The following IFI16 variants were observed in gnomAD, a reference collection of about 807,000 sequenced individuals.
The protein encoded by IFI16 is interferon gamma inducible protein 16, also known as gamma-interferon-inducible protein 16.
In IFI16, 49 loss-of-function variants were observed where a neutral mutation model predicts 68.4. The observed-to-expected ratio is 0.72, with a 90% confidence interval of 0.57 to 0.91. The LOEUF (loss-of-function observed/expected upper bound fraction) is 0.91. Among genes scored for constraint, IFI16 ranks in the 40% least tolerant of loss-of-function variants. The pLI is 0.00. For synonymous variants in IFI16, 307 were observed against 315.0 expected (o/e 0.97, Z 0.27); for missense variants, 878 against 942.9 (o/e 0.93, Z 0.90).
chr1:159,030,901 G>T (rs1342566296), intron 6 of IFI16, among the ~76,000 whole-genome samples: 1 of 151,796 alleles, frequency 6.6e-6, no homozygotes, highest in African/African-American at 2.4e-5. Context: ...GCTCCCAAGA[G>T]ATTATGTCCT....
upstream of IFI16, among the ~76,000 whole-genome samples, chr1:159,005,474 C>T (rs1048942141): frequency 4.6e-5 from 7 of 152,182 alleles, no homozygotes; most frequent in African/African-American, 1.7e-4. Context: ...CCTCTCCTGC[C>T]TCAACACTGA....
At chr1:159,018,759 ACT>A in intron 5 of IFI16, 108 bp downstream of exon 5, 1 of 756,838 alleles carries the variant, frequency 1.3e-6, no homozygotes, top group Non-Finnish European at 2.2e-6. Flanking sequence ...AGAATCCAGG[ACT>A]CTGAAGACTA....
At chr1:159,005,304 A>G (rs1652212934), upstream of IFI16, among the ~76,000 whole-genome samples, 1 of 152,210 alleles carries the variant, frequency 6.6e-6, no homozygotes, top group African/African-American at 2.4e-5. Context: ...CATTACAGGG[A>G]GGGTCAGAGA....
intron 6 of IFI16, among the ~76,000 whole-genome samples, chr1:159,026,361 C>G (rs139457552): frequency 0.026 from 3,862 of 150,928 alleles, 73 homozygotes; most frequent in Non-Finnish European, 0.038. Context: ...TGCAATGGCG[C>G]GATCTTGGCT....
intron 1 of IFI16, among the ~76,000 whole-genome samples, chr1:159,014,100 A>C (rs1652765856): frequency 6.6e-6 from 1 of 152,222 alleles, no homozygotes. Context: ...ATGGGTACAG[A>C]GAACAGAAGC....
chr1:159,023,855 C>T (rs1162838382), intron 6 of IFI16, among the ~76,000 whole-genome samples: 2 of 152,170 alleles, frequency 1.3e-5, no homozygotes, highest in African/African-American at 2.4e-5. Context: ...TTACTCTTGC[C>T]GTGAGAGGCA....
chr1:159,032,826 T>C (rs1654090811), intron 7 of IFI16, 135 bp downstream of exon 7: 1 of 725,192 alleles, frequency 1.4e-6, no homozygotes, highest in Non-Finnish European at 2.2e-6. Context: ...TGTCACTCAA[T>C]CATTTATTGA....
At chr1:159,004,029 CTTAT>C (rs762239257), upstream of IFI16, among the ~76,000 whole-genome samples, 17 of 152,342 alleles carry the variant, frequency 1.1e-4, no homozygotes, top group South Asian at 8.3e-4. Flanking sequence ...CATAGAAGCA[CTTAT>C]TTGTGTGAAC....
chr1:159,024,913 G>A (rs1653555311), intron 6 of IFI16, among the ~76,000 whole-genome samples: 1 of 152,118 alleles, frequency 6.6e-6, no homozygotes, highest in African/African-American at 2.4e-5. Flanking sequence ...ACTCAAATAT[G>A]ATGGGTCCAT....
intron 1 of IFI16, among the ~76,000 whole-genome samples, chr1:159,011,243 G>C (rs1428292168): frequency 6.6e-6 from 1 of 152,018 alleles, no homozygotes; most frequent in East Asian, 1.9e-4. Context: ...AATTAGCCGG[G>C]TATGGTCATG....
Position 159,014,684 on chromosome 1 carries a change from G to A in IFI16, c.4G>A (p.Gly2Arg), listed in dbSNP as rs1435940563. The part of the protein sequence containing the change: M[G>R]KKYKNIVLLK... The stretch of plus-strand genomic sequence containing the variant: ...AGGCTCACTTATGTCTGTAAAGATG[G>A]GAAAAAAATACAAGAACATTGTTCT... The change falls in exon 2 of 12, where the codon GGA (glycine) becomes AGA (arginine). Residue 2 changes from glycine (G) to arginine (R), a missense_variant. Gly to Arg is a moderately radical substitution (Grantham distance 125). Around this residue, in one of 4 missense-constraint regions of IFI16, gnomAD observed 65 missense variants for 96.9 expected, o/e 0.67. Transcript: ENST00000295809. The A allele has an allele frequency of 1.9e-6, 3 of 1,595,406 alleles. No homozygotes were observed. Among genetic ancestry groups the A allele is most frequent in the East Asian group, 2.2e-5 (1 of 44,662 alleles).
chr1:159,025,624 G>A (rs1388355374), intron 6 of IFI16, among the ~76,000 whole-genome samples: 1 of 152,126 alleles, frequency 6.6e-6, no homozygotes, highest in Non-Finnish European at 1.5e-5. Context: ...CACTCTGTGG[G>A]TTGTCTGTTT....
At chr1:159,042,263 A>C (rs188299122) in intron 7 of IFI16, among the ~76,000 whole-genome samples, 1 of 152,292 alleles carries the variant, frequency 6.6e-6, no homozygotes, top group East Asian at 1.9e-4. Flanking sequence ...TTTGATTGGA[A>C]ACCCAAAGCA....
chr1:159,051,288 C>A (rs1655341364), intron 9 of IFI16, among the ~76,000 whole-genome samples: 1 of 152,028 alleles, frequency 6.6e-6, no homozygotes, highest in Non-Finnish European at 1.5e-5. Context: ...TATGACCTGA[C>A]CTGGGTAGAA....
At position 159,040,579 on chromosome 1, in the gene IFI16, TTAAA is replaced by T. The variant is rs377224421; in HGVS notation, c.1330-4715_1330-4712del. 7.0e-4 allele frequency among the ~76,000 whole-genome samples: 106 copies of T among 152,352 alleles called. 2 individuals carry two copies. In the East Asian group the frequency reaches 0.017, roughly 25 times the overall value. On this transcript the variant is annotated intron_variant, in intron 7 of 11. Coordinates refer to ENST00000295809, the MANE Select transcript of IFI16 (RefSeq NM_001376587.1). ...GATTCCATTAATACATGTGGCATAC[TTAAA>T]TAGAGAAACATTTTTAATGAAACGA...
At chr1:159,019,486 G>A (rs1281573626) in intron 5 of IFI16, among the ~76,000 whole-genome samples, 2 of 146,712 alleles carry the variant, frequency 1.4e-5, no homozygotes, top group Non-Finnish European at 3.0e-5. Flanking sequence ...TTTTTGAGAC[G>A]GAGTCTCTGT....
intron 10 of IFI16, 106 bp from the exon 11 acceptor site, chr1:159,053,427 G>A: frequency 4.1e-6 from 3 of 736,896 alleles, no homozygotes; most frequent in East Asian, 5.3e-5. Context: ...CTACAGCTCT[G>A]TTTACTCTAT....
intron 8 of IFI16, 53 bp downstream of exon 8, chr1:159,045,517 G>A: frequency 6.3e-7 from 1 of 1,595,282 alleles, no homozygotes; most frequent in Non-Finnish European, 8.6e-7. Context: ...TAATGACAAG[G>A]ATTAACACAA....
At chr1:159,050,096 CAAAG>C (rs1386936415) in intron 9 of IFI16, among the ~76,000 whole-genome samples, 2 of 152,160 alleles carry the variant, frequency 1.3e-5, no homozygotes, top group Non-Finnish European at 2.9e-5. Flanking sequence ...TATGTATATA[CAAAG>C]AGTCTTATTT....
Sources: allele counts gnomAD v4.1 joint callset (sites outside exome capture counted in the v4.1 genomes callset), GRCh38; gene constraint gnomAD v4.1.1; regional missense constraint gnomAD v4.1.1; transcripts MANE v1.5; gene names NCBI Gene and HGNC (gene_info 2026-07-23, HGNC 2026-07-21).